CSRNP2: variants seen among roughly 807,000 people sequenced by gnomAD.
CSRNP2 encodes cysteine and serine rich nuclear protein 2, also known as cysteine/serine-rich nuclear protein 2.
In CSRNP2, 11 loss-of-function variants were observed where a neutral mutation model predicts 36.6. The observed-to-expected ratio is 0.30, with a 90% CI of 0.19 to 0.50. CSRNP2 has a LOEUF of 0.50. CSRNP2 is among the 20% of genes least tolerant of loss of function. The pLI, the probability that CSRNP2 is intolerant of heterozygous loss-of-function variation, is 0.98. For synonymous variants in CSRNP2, 248 were observed against 275.3 expected (o/e 0.90, Z 0.98); for missense variants, 483 against 691.4 (o/e 0.70, Z 3.38).
chr12:51,079,416 G>A (rs1007919604), intron 1 of CSRNP2, among the ~76,000 whole-genome samples: 3 of 151,832 alleles, frequency 2.0e-5, no homozygotes, highest in Admixed American at 1.3e-4. Context: ...CTATTGTAGC[G>A]GGGAGGGGGA....
intron 1 of CSRNP2, among the ~76,000 whole-genome samples, chr12:51,081,936 A>G (rs1396268217): frequency 6.6e-6 from 1 of 152,256 alleles, no homozygotes; most frequent in Non-Finnish European, 1.5e-5. Flanking sequence ...TTTAGGTAAT[A>G]TAAGTCTCTT....
chr12:51,081,641 A>G (rs992939057), intron 1 of CSRNP2: 1 of 152,246 alleles, frequency 6.6e-6, no homozygotes, highest in African/African-American at 2.4e-5. Context: ...CTACATGTCT[A>G]ATGGTCTTTT....
intron 3 of CSRNP2, among the ~76,000 whole-genome samples, chr12:51,068,738 A>C (rs957670055): frequency 6.6e-6 from 1 of 152,214 alleles, no homozygotes; most frequent in Non-Finnish European, 1.5e-5. Context: ...GAAAAATGTG[A>C]AACACCCTTC....
chr12:51,076,307 G>A, intron 2 of CSRNP2, 104 bp downstream of exon 2: 1 of 1,265,810 alleles, frequency 7.9e-7, no homozygotes, highest in Admixed American at 2.1e-5. Context: ...GAAAGATGAT[G>A]ATTAAGGGCA....
rs1042291532 is a variant in CSRNP2, at chr12:51,062,792, CA to C, written c.*953del. On this transcript the variant is annotated 3_prime_UTR_variant, in exon 5 of 5. Transcript: ENST00000228515. ...ACATTCCACTAAAGCTCAGATCTCA[CA>C]AAGAGGGAAAAACCTGGGTGAAAAA... 6.6e-6 allele frequency: 1 copy of C among 152,348 alleles called. No homozygotes were observed. The highest frequency in any genetic ancestry group is 2.4e-5 in the African/African-American group (1 of 41,450). 9.4% of individuals were successfully genotyped at this position (152,348 alleles called of 1,614,324 possible).
At chr12:51,080,049 G>C (rs1438715210) in intron 1 of CSRNP2, among the ~76,000 whole-genome samples, 3 of 133,928 alleles carry the variant, frequency 2.2e-5, no homozygotes, top group African/African-American at 8.6e-5. Context: ...CTCCAGCCTG[G>C]GCGGCAGAGT....
chr12:51,068,873 C>T (rs986510621), intron 3 of CSRNP2, among the ~76,000 whole-genome samples: 5 of 152,208 alleles, frequency 3.3e-5, no homozygotes, highest in African/African-American at 9.6e-5. Flanking sequence ...ATTATCTGTG[C>T]ATGCACTAAA....
In CSRNP2 at chr12:51,083,326, C is replaced by CT. The variant is rs1405863989; in HGVS notation, c.-87+12dup. The CT allele has an allele frequency of 3.2e-5, 5 of 155,092 alleles. 1 individual carries two copies. In the East Asian group the frequency reaches 9.5e-4, roughly 30 times the overall value. 9.6% of individuals were successfully genotyped at this position (155,092 alleles called of 1,614,324 possible). A position where few individuals can be genotyped will look rare whatever the true frequency, so the allele number is the denominator to read the frequency against. On this transcript the variant is annotated intron_variant, in intron 1 of 4. Transcript: ENST00000228515. ...AGGCGGCACCCTCCGCCCCGCACCC[C>CT]TAGGCCCATTACCGGCCCCGCCGCA...
In CSRNP2 at chr12:51,068,012, C is replaced by T; in HGVS notation, c.412-43G>A. The stretch of plus-strand genomic sequence containing the variant: ...AGGTTAGCCTCATAGACATGAGCGG[C>T]ATGCACCTCCTCAGTGACCATCCCA... On this transcript the variant is annotated intron_variant, in intron 3 of 4. Coordinates refer to ENST00000228515, the MANE Select transcript of CSRNP2 (RefSeq NM_030809.3). 4 of 1,568,274 alleles carry T rather than the reference C, an allele frequency of 2.6e-6. No individual in the cohort carries two copies. In the South Asian group the frequency reaches 4.7e-5, roughly 18 times the overall value.
chr12:51,069,217 T>C (rs1938777096), intron 3 of CSRNP2, among the ~76,000 whole-genome samples: 1 of 151,716 alleles, frequency 6.6e-6, no homozygotes, highest in Non-Finnish European at 1.5e-5. Context: ...CCTTGTAATC[T>C]GCCCACCTCG....
rs546193925 is a variant in CSRNP2 at position 51,076,876 on chromosome 12, T to C, written c.-86-229A>G. ...AATGAGATGGGTAGCAGCAGCACCT[T>C]TCCCAGTGAAGGAAAGGCCTTTGCT... On this transcript the variant is annotated intron_variant, in intron 1 of 4. Transcript: ENST00000228515. 4.0e-5 allele frequency: 9 copies of C among 226,414 alleles called. No homozygotes were observed. In the South Asian group the frequency reaches 6.1e-4, roughly 15 times the overall value. The allele number at this position is 226,414 out of a possible 1,614,324, so 14.0% of individuals were successfully genotyped here.
At chr12:51,072,291 G>T (rs1288317784) in intron 3 of CSRNP2, among the ~76,000 whole-genome samples, 1 of 152,098 alleles carries the variant, frequency 6.6e-6, no homozygotes, top group Non-Finnish European at 1.5e-5. Context: ...CAAGTGCGGT[G>T]GCTCACGCCT....
chr12:51,063,830 C>T lies in CSRNP2; in HGVS notation c.1548G>A (p.Glu516=). 1.2e-6 allele frequency: 2 copies of T among 1,613,646 alleles called. No individual in the cohort carries two copies. Among genetic ancestry groups the T allele is most frequent in the Non-Finnish European group, 1.7e-6 (2 of 1,179,766 alleles). ...GGGAGGTCTTCACCATCCCACAGCC[C>T]TCTTCATTGTCCGTGCGGAAGGGGA... ...SSLPFRTDNE[E]GCGMVKTSQQ... The change falls in exon 5 of 5, where the codon GAG becomes GAA. Residue 516 remains glutamate (E), a synonymous_variant. Transcript: ENST00000228515.
At chr12:51,074,514 A>G (rs1939315505) in intron 2 of CSRNP2, among the ~76,000 whole-genome samples, 1 of 152,158 alleles carries the variant, frequency 6.6e-6, no homozygotes, top group South Asian at 2.1e-4. Context: ...CGTGCTCTCT[A>G]TATCTAGAGA....
At position 51,064,000 on chromosome 12, in the gene CSRNP2, C is replaced by T. The variant is rs751380290; in HGVS notation, c.1378G>A (p.Val460Met). The T allele has an allele frequency of 9.3e-6, 15 of 1,614,020 alleles. No homozygotes were observed. In the East Asian group the frequency reaches 1.1e-4, roughly 12 times the overall value. ...GCTGGGTCTGTGGAGCTACAAGCCA[C>T]GAGTGAGGTAACAGGGAGAGAGAAG... ...NVFSLPVTSL[V>M]ACSSTDPAAL... Residue 460 changes from valine (V) to methionine (M), a missense_variant, in exon 5 of 5, where the codon GTG (valine) becomes ATG (methionine). This residue lies in a region of CSRNP2 where 277 missense variants were observed against 323.6 expected (regional missense o/e 0.86). Transcript: ENST00000228515.
rs1477608047 is a variant in CSRNP2, at chr12:51,064,413, G to A, written c.965C>T (p.Thr322Ile). 2 of 1,613,454 alleles carry A rather than the reference G, an allele frequency of 1.2e-6. No homozygotes were observed. The highest frequency in any genetic ancestry group is 2.7e-5 in the African/African-American group (2 of 74,924). ...TGCACTCTGCAGGTGCATCACTGCTGTCTCATTCTCAGCAATGAACTCCTG... is the reference window on the plus strand; with the variant it reads ...TGCACTCTGCAGGTGCATCACTGCTATCTCATTCTCAGCAATGAACTCCTG... ...DFQEFIAENE[T>I]AVMHLQSAEE... Residue 322 changes from threonine (T) to isoleucine (I), a missense_variant, in exon 5 of 5, where the codon ACA becomes ATA. Thr to Ile is a moderately conservative substitution (Grantham distance 89, BLOSUM62 -1). Around this residue, in one of 2 missense-constraint regions of CSRNP2, gnomAD observed 277 missense variants for 323.6 expected, o/e 0.86. Coordinates refer to ENST00000228515, the MANE Select transcript of CSRNP2 (RefSeq NM_030809.3).
At chr12:51,066,774 G>A (rs2136859235) in intron 4 of CSRNP2, among the ~76,000 whole-genome samples, 1 of 152,338 alleles carries the variant, frequency 6.6e-6, no homozygotes, top group Admixed American at 6.5e-5. Flanking sequence ...CAAAATTGGA[G>A]TAGAGGTACT....
intron 3 of CSRNP2, among the ~76,000 whole-genome samples, chr12:51,072,562 CAAAAAAAA>C (rs71089741): frequency 1.9e-4 from 13 of 66,922 alleles, no homozygotes; most frequent in East Asian, 1.3e-3. Flanking sequence ...GGCTCCGTCT[CAAAAAAAA>C]AAAAAAAAAA....
intron 2 of CSRNP2, among the ~76,000 whole-genome samples, chr12:51,075,000 G>A (rs1271368284): frequency 2.6e-5 from 4 of 152,276 alleles, no homozygotes; most frequent in South Asian, 4.1e-4. Flanking sequence ...GGGAGACGGA[G>A]GTTGCAGTGA....
Sources: allele counts gnomAD v4.1 joint callset (sites outside exome capture counted in the v4.1 genomes callset), GRCh38; gene constraint gnomAD v4.1.1; regional missense constraint gnomAD v4.1.1; transcripts MANE v1.5; gene names NCBI Gene and HGNC (gene_info 2026-07-23, HGNC 2026-07-21).